WDR7: variants seen among roughly 807,000 people sequenced by gnomAD.
WDR7 encodes the protein WD repeat-containing protein 7.
WDR7 carries 46 observed loss-of-function variants against 169.4 expected under a neutral mutation model. The ratio of observed to expected loss-of-function variants is 0.27; its 90% CI spans 0.21 to 0.35. The LOEUF (loss-of-function observed/expected upper bound fraction) is 0.35, where lower values mean the gene tolerates loss of function less well. WDR7 is among the 10% of genes least tolerant of loss of function. The probability of loss-of-function intolerance (pLI) is 1.00; values close to 1 mark genes in which losing one functional copy is unlikely to be tolerated. For missense variants in WDR7, 1,534 were observed against 1,859.3 expected (o/e 0.83, Z 3.22); for synonymous variants, 612 against 666.8 (o/e 0.92, Z 1.27).
intron 2 of WDR7, among the ~76,000 whole-genome samples, chr18:56,674,588 G>A (rs991225671): frequency 1.1e-4 from 17 of 151,964 alleles, no homozygotes; most frequent in African/African-American, 3.9e-4. Flanking sequence ...ACAGATATAA[G>A]ATTTACATTT....
intron 20 of WDR7, among the ~76,000 whole-genome samples, chr18:56,835,015 G>A (rs1399535472): frequency 6.6e-6 from 1 of 152,154 alleles, no homozygotes; most frequent in Non-Finnish European, 1.5e-5. Context: ...TGCAGCACAA[G>A]GGTAGGGATC....
At chr18:56,910,005 C>T (rs2046531647) in intron 21 of WDR7, among the ~76,000 whole-genome samples, 1 of 152,270 alleles carries the variant, frequency 6.6e-6, no homozygotes, top group African/African-American at 2.4e-5. Context: ...CATTGTTTCT[C>T]TCCCTTTAAC....
At chr18:56,914,394 G>A (rs2145610765) in intron 21 of WDR7, among the ~76,000 whole-genome samples, 1 of 152,300 alleles carries the variant, frequency 6.6e-6, no homozygotes, top group South Asian at 2.1e-4. Flanking sequence ...CTTCAGAAGA[G>A]CATAGACTTT....
intron 19 of WDR7, among the ~76,000 whole-genome samples, chr18:56,803,314 T>A (rs1178558663): frequency 6.6e-6 from 1 of 152,174 alleles, no homozygotes; most frequent in East Asian, 1.9e-4. Context: ...AAAACCAGAT[T>A]CTTGTGTATT....
chr18:56,780,945 G>GA (rs2044309795), intron 18 of WDR7, among the ~76,000 whole-genome samples: 1 of 152,100 alleles, frequency 6.6e-6, no homozygotes, highest in Non-Finnish European at 1.5e-5. Context: ...ATATAATTTT[G>GA]AAAAATGATT....
rs186820365 is a variant in WDR7, at chr18:56,693,601, G to A, written c.967-1018G>A. The stretch of plus-strand genomic sequence containing the variant: ...TTTTTTTTTTTTTTGAGATGGAGTC[G>A]CCCTTTGACTCCCAGGCTGGAGTGC... On this transcript the variant is annotated intron_variant, in intron 9 of 27. Coordinates refer to ENST00000254442, the MANE Select transcript of WDR7 (RefSeq NM_015285.3). Among the ~76,000 whole-genome samples the A allele has an allele frequency of 2.5e-4, 27 of 108,288 alleles. No homozygotes were observed. The East Asian group carries it at 6.3e-3, about 25-fold the overall frequency. 71.0% of individuals were successfully genotyped at this position (108,288 alleles called of 152,430 possible). A position where few individuals can be genotyped will look rare whatever the true frequency, so the allele number is the denominator to read the frequency against.
At chr18:56,856,208 A>G (rs1251098382) in intron 20 of WDR7, among the ~76,000 whole-genome samples, 1 of 152,184 alleles carries the variant, frequency 6.6e-6, no homozygotes, top group Non-Finnish European at 1.5e-5. Context: ...TATTTATTCT[A>G]CAGAAGAAAT....
rs937433896 is a variant in WDR7 at position 56,686,717 on chromosome 18, C to T, written c.598-138C>T. The T allele has an allele frequency of 1.0e-4, 71 of 679,058 alleles. 1 individual carries two copies. The highest frequency in any genetic ancestry group is 2.9e-4 in the Admixed American group (10 of 34,736). 42.1% of individuals were successfully genotyped at this position (679,058 alleles called of 1,614,324 possible). A position where few individuals can be genotyped will look rare whatever the true frequency, so the allele number is the denominator to read the frequency against. On this transcript the variant is annotated intron_variant, in intron 6 of 27. Coordinates refer to ENST00000254442, the MANE Select transcript of WDR7 (RefSeq NM_015285.3). ...GTATATCTTTGCTGCTTTTTACTAC[C>T]GTGGCGCTTACCTGAGGGGCTAAAA... is the stretch of plus-strand genomic sequence containing the variant.
intron 20 of WDR7, among the ~76,000 whole-genome samples, chr18:56,828,523 G>A (rs535268457): frequency 6.6e-6 from 1 of 152,206 alleles, no homozygotes; most frequent in East Asian, 1.9e-4. Context: ...AAAAATAATA[G>A]ACAAGACGGA....
intron 26 of WDR7, among the ~76,000 whole-genome samples, chr18:56,998,140 T>A (rs2047924717): frequency 6.6e-6 from 1 of 152,170 alleles, no homozygotes; most frequent in South Asian, 2.1e-4. Flanking sequence ...GAGGTCATTT[T>A]TCAAAAGTTT....
At chr18:56,787,977 C>T (rs755083957) in intron 19 of WDR7, among the ~76,000 whole-genome samples, 7 of 152,132 alleles carry the variant, frequency 4.6e-5, no homozygotes, top group Non-Finnish European at 5.9e-5. Flanking sequence ...GTCTTTCCCC[C>T]GCCCAAAGGC....
At chr18:56,935,710 A>G (rs1599171677) in intron 22 of WDR7, 78 bp from the exon 23 acceptor site, 8 of 1,376,220 alleles carry the variant, frequency 5.8e-6, no homozygotes, top group East Asian at 4.6e-5. Context: ...AACTGACATT[A>G]TAAGCTGTGT....
At position 57,024,493 on chromosome 18, in the gene WDR7, A is replaced by T. The variant is rs75763618; in HGVS notation, c.4270-2511A>T. 1.6e-3 allele frequency among the ~76,000 whole-genome samples: 219 copies of T among 141,248 alleles called. 4 individuals are homozygous for T. The highest frequency in any genetic ancestry group is 2.6e-3 in the Non-Finnish European group (162 of 63,044). The allele number at this position is 141,248 out of a possible 152,430, so 92.7% of individuals were successfully genotyped here. On this transcript the variant is annotated intron_variant, in intron 27 of 27. Coordinates refer to ENST00000254442, the MANE Select transcript of WDR7 (RefSeq NM_015285.3). ...AACATGGGGGTCTTTATCGTTCCAC[A>T]TGTTATGTCCCTTACAGGATTTCAC...
At chr18:56,707,368 A>G (rs1010327004) in intron 12 of WDR7, among the ~76,000 whole-genome samples, 1 of 151,614 alleles carries the variant, frequency 6.6e-6, no homozygotes, top group African/African-American at 2.4e-5. Context: ...AGGTGGTTTT[A>G]AAACCCGTAC....
Position 56,824,656 on chromosome 18 carries a change from C to T in WDR7, c.3304+8512C>T, listed in dbSNP as rs555846016. Among the ~76,000 whole-genome samples the T allele has an allele frequency of 2.6e-5, 4 of 152,272 alleles. No homozygotes were observed. In the South Asian group the frequency reaches 8.3e-4, roughly 32 times the overall value. ...AATGACTCAAAACATCTTGGTAACA[C>T]ATTAGTGAGGTGATGTAGGCTTATT... On this transcript the variant is annotated intron_variant, in intron 20 of 27. Transcript: ENST00000254442.
intron 21 of WDR7, among the ~76,000 whole-genome samples, chr18:56,890,312 G>A (rs552899808): frequency 1.3e-5 from 2 of 152,156 alleles, no homozygotes; most frequent in South Asian, 4.2e-4. Flanking sequence ...TTGTTGTAGT[G>A]TACTTTGTGA....
intron 20 of WDR7, among the ~76,000 whole-genome samples, chr18:56,846,125 C>T (rs542924272): frequency 1.3e-5 from 2 of 152,148 alleles, no homozygotes; most frequent in South Asian, 4.2e-4. Flanking sequence ...AACAAAAATA[C>T]TTTTATTTTC....
At chr18:56,833,449 A>G (rs2045348542) in intron 20 of WDR7, among the ~76,000 whole-genome samples, 2 of 152,174 alleles carry the variant, frequency 1.3e-5, no homozygotes, top group South Asian at 2.1e-4. Context: ...CTGCACATGT[A>G]TCCCAGAACT....
At chr18:56,699,135 G>T (rs1418956230) in intron 12 of WDR7, among the ~76,000 whole-genome samples, 3 of 152,126 alleles carry the variant, frequency 2.0e-5, no homozygotes, top group African/African-American at 7.2e-5. Context: ...TTAGCTGTGG[G>T]GTAATTTAGC....
Sources: allele counts gnomAD v4.1 joint callset (sites outside exome capture counted in the v4.1 genomes callset), GRCh38; gene constraint gnomAD v4.1.1; transcripts MANE v1.5; gene names NCBI Gene and HGNC (gene_info 2026-07-23, HGNC 2026-07-21).